Variants in MCPH1 observed in about 807,000 individuals in gnomAD.
MCPH1 encodes microcephalin 1.
MCPH1 carries 104 observed loss-of-function variants against 84.5 expected under a neutral mutation model. That is an observed-to-expected ratio of 1.23 (90% confidence interval 1.05 to 1.45). MCPH1 has a LOEUF of 1.45. MCPH1 is among the 40% of genes most tolerant of loss of function. The pLI, the probability that MCPH1 is intolerant of heterozygous loss-of-function variation, is 0.00. For missense variants in MCPH1, 1,498 were observed against 1,005.7 expected, an observed-to-expected ratio of 1.49 and a Z score of -6.62; for synonymous variants, 514 against 366.8, an observed-to-expected ratio of 1.40 and a Z score of -4.58.
At chr8:6,560,312 G>T (rs1291559994) in intron 12 of MCPH1, among the ~76,000 whole-genome samples, 1 of 152,252 alleles carries the variant, frequency 6.6e-6, no homozygotes, top group Admixed American at 6.5e-5. Flanking sequence ...AAATCAGTGG[G>T]TGTTAGGTTG....
At chr8:6,634,330 A>G (rs1276202369) in intron 13 of MCPH1, among the ~76,000 whole-genome samples, 1 of 152,240 alleles carries the variant, frequency 6.6e-6, no homozygotes, top group Non-Finnish European at 1.5e-5. Context: ...GTCGAAACTC[A>G]TTGACGAGTT....
At chr8:6,528,337 A>C (rs140913240) in intron 12 of MCPH1, among the ~76,000 whole-genome samples, 277 of 152,358 alleles carry the variant, frequency 1.8e-3, no homozygotes, top group African/African-American at 6.5e-3. Context: ...CATATTTCAT[A>C]GGTGGAAAGT....
chr8:6,426,240 T>C (rs1466642233), intron 3 of MCPH1, among the ~76,000 whole-genome samples: 2 of 152,214 alleles, frequency 1.3e-5, no homozygotes, highest in Non-Finnish European at 2.9e-5. Flanking sequence ...ATTTTAAGTG[T>C]ACATTCACGG....
intron 12 of MCPH1, among the ~76,000 whole-genome samples, chr8:6,594,145 G>A (rs561432541): frequency 6.6e-6 from 1 of 152,246 alleles, no homozygotes; most frequent in Non-Finnish European, 1.5e-5. Flanking sequence ...GGGTGTGGCT[G>A]CAGGGCCTAG....
intron 3 of MCPH1, among the ~76,000 whole-genome samples, chr8:6,415,120 A>G (rs1585595570): frequency 6.6e-6 from 1 of 151,970 alleles, no homozygotes; most frequent in Admixed American, 6.6e-5. Context: ...GAAGCTGGGT[A>G]TGCAAGGTGG....
In MCPH1 at chr8:6,643,305, C is replaced by G. The variant is rs1586909494; in HGVS notation, c.*256C>G. 2.1e-6 allele frequency: 1 copy of G among 480,036 alleles called. No individual in the cohort carries two copies. The highest frequency in any genetic ancestry group is 3.9e-5 in the East Asian group (1 of 25,412). The allele number at this position is 480,036 out of a possible 1,614,324, so 29.7% of individuals were successfully genotyped here. A position where few individuals can be genotyped will look rare whatever the true frequency, so the allele number is the denominator to read the frequency against. ...TTTGAGACGGAGTCCTGCCCTGTTT[C>G]CCAGGCTGGAGTGCAATGGCACAAT... On this transcript the variant is annotated 3_prime_UTR_variant, in exon 14 of 14. Coordinates refer to ENST00000344683, the MANE Select transcript of MCPH1 (RefSeq NM_024596.5).
chr8:6,503,053 A>G (rs758513797), intron 12 of MCPH1: 1 of 1,608,080 alleles, frequency 6.2e-7, no homozygotes, highest in Non-Finnish European at 8.5e-7. Flanking sequence ...CACTGGGCTT[A>G]AGTCTTTGAA....
intron 9 of MCPH1, among the ~76,000 whole-genome samples, chr8:6,474,878 G>T (rs1300631273): frequency 2.0e-5 from 3 of 152,160 alleles, no homozygotes; most frequent in Non-Finnish European, 4.4e-5. Flanking sequence ...ACTCATAGAA[G>T]ACATGACTAT....
At chr8:6,416,129 G>A (rs1157762721) in intron 3 of MCPH1, among the ~76,000 whole-genome samples, 1 of 152,162 alleles carries the variant, frequency 6.6e-6, no homozygotes, top group Non-Finnish European at 1.5e-5. Flanking sequence ...ATTGTTGTAT[G>A]TTGATCTTAT....
intron 12 of MCPH1, among the ~76,000 whole-genome samples, chr8:6,618,123 G>A (rs991858720): frequency 1.3e-5 from 2 of 152,314 alleles, no homozygotes; most frequent in South Asian, 2.1e-4. Context: ...CAAGGGTATT[G>A]AAAAATCCAT....
chr8:6,441,123 G>A (rs1252357625), intron 6 of MCPH1, among the ~76,000 whole-genome samples: 1 of 152,190 alleles, frequency 6.6e-6, no homozygotes, highest in Non-Finnish European at 1.5e-5. Flanking sequence ...AGACTGAAAT[G>A]TAGTCTTGAC....
At chr8:6,419,162 C>T (rs141134625) in intron 3 of MCPH1, among the ~76,000 whole-genome samples, 4 of 32,400 alleles carry the variant, frequency 1.2e-4, no homozygotes, top group Non-Finnish European at 8.3e-4. Flanking sequence ...GACACACACA[C>T]ACACACACAC....
At chr8:6,508,178 G>C (rs1346280162) in intron 12 of MCPH1, 1 of 152,226 alleles carries the variant, frequency 6.6e-6, no homozygotes, top group Admixed American at 6.5e-5. Context: ...GGCCGGGTGT[G>C]GTGGCTCACA....
chr8:6,460,112 A>G (rs1806113258), intron 9 of MCPH1, among the ~76,000 whole-genome samples: 1 of 148,564 alleles, frequency 6.7e-6, no homozygotes. Context: ...TGTTCTGGAA[A>G]CTTCTCCACT....
At chr8:6,518,562 G>A (rs1177599494) in intron 12 of MCPH1, among the ~76,000 whole-genome samples, 2 of 152,150 alleles carry the variant, frequency 1.3e-5, no homozygotes, top group African/African-American at 2.4e-5. Flanking sequence ...CAAGATACAT[G>A]TTACTGTTTC....
At chr8:6,529,495 AG>A (rs1408543095) in intron 12 of MCPH1, among the ~76,000 whole-genome samples, 12 of 145,804 alleles carry the variant, frequency 8.2e-5, no homozygotes, top group Non-Finnish European at 1.5e-4. Context: ...TCTGTTGCCC[AG>A]GCTGCAGTGC....
At chr8:6,465,442 C>A (rs1301939486) in intron 9 of MCPH1, among the ~76,000 whole-genome samples, 1 of 152,164 alleles carries the variant, frequency 6.6e-6, no homozygotes, top group Non-Finnish European at 1.5e-5. Flanking sequence ...AGCACATCAC[C>A]GGTATTCTCT....
intron 12 of MCPH1, among the ~76,000 whole-genome samples, chr8:6,556,742 T>G (rs889075103): frequency 2.0e-5 from 3 of 152,136 alleles, no homozygotes; most frequent in African/African-American, 7.2e-5. Flanking sequence ...GCCTCCCAAG[T>G]AGCTGGGACC....
chr8:6,564,709 G>A (rs1307151939), intron 12 of MCPH1, among the ~76,000 whole-genome samples: 1 of 152,146 alleles, frequency 6.6e-6, no homozygotes, highest in Non-Finnish European at 1.5e-5. Context: ...CCGAAAGACA[G>A]CCTTTCCCTT....
Sources: gnomAD v4.1 joint callset for allele counts (sites outside exome capture counted in the v4.1 genomes callset) on GRCh38, gnomAD v4.1.1 for gene constraint, MANE v1.5 for transcripts, NCBI Gene and HGNC (gene_info 2026-07-23, HGNC 2026-07-21) for gene names.